The following MYCN variants were observed in gnomAD, a reference collection of about 807,000 sequenced individuals.
The protein encoded by MYCN is N-myc proto-oncogene protein.
In MYCN, 3 loss-of-function variants were observed where a neutral mutation model predicts 28.1. That is an observed-to-expected ratio of 0.11 (90% CI 0.05 to 0.28). The LOEUF (loss-of-function observed/expected upper bound fraction) is 0.28, where lower values mean the gene tolerates loss of function less well. MYCN is among the 10% of genes least tolerant of loss of function. MYCN has a pLI of 1.00. For missense variants in MYCN, 572 were observed against 651.4 expected (o/e 0.88, Z 1.33); for synonymous variants, 326 against 288.3 (o/e 1.13, Z -1.32).
Position 15,941,041 on chromosome 2 carries a change from T to A in MYCN, c.-118+298T>A, listed in dbSNP as rs1425322949. ...CTAGAAGATCTGTCTGTGTTTGAGC[T>A]GTCGGAGAGCCGGTGCGTCCCCACC... is the stretch of plus-strand genomic sequence containing the variant. On this transcript the variant is annotated intron_variant, in intron 1 of 2. Coordinates refer to ENST00000281043, the MANE Select transcript of MYCN (RefSeq NM_005378.6). This position sits in a 1 kb window ranked among gnomAD's most constrained non-coding sequence, Gnocchi z 4.8. 6 of 284,534 alleles carry A rather than the reference T, an allele frequency of 2.1e-5. No individual in the cohort carries two copies. The Admixed American group carries it at 3.2e-4, about 15-fold the overall frequency. 17.6% of individuals were successfully genotyped at this position (284,534 alleles called of 1,614,324 possible). A position where few individuals can be genotyped will look rare whatever the true frequency, so the allele number is the denominator to read the frequency against.
At position 15,945,607 on chromosome 2, in the gene MYCN, G is replaced by A. The variant is rs140581169; in HGVS notation, c.905G>A (p.Arg302His). 94 of 1,613,990 alleles carry A rather than the reference G, an allele frequency of 5.8e-5. No individual in the cohort carries two copies. Among genetic ancestry groups the A allele is most frequent in the Non-Finnish European group, 7.4e-5 (87 of 1,180,034 alleles). Reference sequence around the variant, plus strand: ...GTCACCACATTCACCATCACTGTGCGTCCCAAGAACGCAGCCCTGGGTCCC... The same window carrying A: ...GTCACCACATTCACCATCACTGTGCATCCCAAGAACGCAGCCCTGGGTCCC... The part of the protein sequence containing the change: ...KAVTTFTITV[R>H]PKNAALGPGR... Residue 302 changes from arginine to histidine, a missense_variant, in exon 3 of 3, where the codon CGT becomes CAT. Physicochemically the swap from Arg to His is conservative, Grantham distance 29. Around this residue, in one of 3 missense-constraint regions of MYCN, gnomAD observed 499 missense variants for 524.3 expected, o/e 0.95. Coordinates refer to ENST00000281043, the MANE Select transcript of MYCN (RefSeq NM_005378.6). This position sits in a 1 kb window ranked among gnomAD's most constrained non-coding sequence, Gnocchi z 4.8.
chr2:15,944,774 G>C (rs1393573242), intron 2 of MYCN, among the ~76,000 whole-genome samples: 29 of 152,084 alleles, frequency 1.9e-4, no homozygotes, highest in Admixed American at 1.9e-3. Flanking sequence ...CCATTTAATA[G>C]CTGAGGAAAC....
At position 15,940,672 on chromosome 2, in the gene MYCN, A is replaced by ACCCCCCCCCCCCC; in HGVS notation, c.-184_-183insCCCCCCCCCCCCC. Reference sequence around the variant, plus strand: ...GCACAGACTGTAGCCATCCGAGGACACCCCCGCCCCCCCGGCCCACCCGGA... The same window carrying ACCCCCCCCCCCCC: ...GCACAGACTGTAGCCATCCGAGGACACCCCCCCCCCCCCCCCCCGCCCCCCCGGCCCACCCGGA... On this transcript the variant is annotated 5_prime_UTR_variant, in exon 1 of 3. The change creates a premature stop within an existing upstream ORF in the 5' untranslated region. Transcript: ENST00000281043. The ACCCCCCCCCCCCC allele has an allele frequency of 2.5e-6, 1 of 396,932 alleles. No individual in the cohort carries two copies. The allele number at this position is 396,932 out of a possible 1,614,324, so 24.6% of individuals were successfully genotyped here. A position where few individuals can be genotyped will look rare whatever the true frequency, so the allele number is the denominator to read the frequency against.
chr2:15,942,086 A>C lies in MYCN; in HGVS notation c.22A>C (p.Thr8Pro). Residue 8 changes from threonine (T) to proline (P), a missense_variant, in exon 2 of 3, where the codon ACC becomes CCC. Thr to Pro is a conservative substitution (Grantham distance 38). Transcript: ENST00000281043. The surrounding 1 kb of genome is among the most constrained non-coding windows in gnomAD (Gnocchi z 7.0). ...GCCGATGCCGAGCTGCTCCACGTCCACCATGCCGGGCATGATCTGCAAGAA... is the reference window on the plus strand; with the variant it reads ...GCCGATGCCGAGCTGCTCCACGTCCCCCATGCCGGGCATGATCTGCAAGAA... MPSCSTSTMPGMICKNPD... is the reference protein window; with the variant it reads MPSCSTSPMPGMICKNPD... The C allele has an allele frequency of 6.2e-7, 1 of 1,613,720 alleles. No individual in the cohort carries two copies. Among genetic ancestry groups the C allele is most frequent in the African/African-American group, 1.3e-5 (1 of 75,024 alleles).
chr2:15,946,337 A>C lies in MYCN; in HGVS notation c.*240A>C. ...CACCTCACCTCCATGACAGCGCTAAACGTTGGTGACGGTTGGGAGCCTCTG... is the reference window on the plus strand; with the variant it reads ...CACCTCACCTCCATGACAGCGCTAACCGTTGGTGACGGTTGGGAGCCTCTG... On this transcript the variant is annotated 3_prime_UTR_variant, in exon 3 of 3. Transcript: ENST00000281043. 6 of 565,642 alleles carry C rather than the reference A, an allele frequency of 1.1e-5. No homozygotes were observed. Among genetic ancestry groups the C allele is most frequent in the Non-Finnish European group, 1.3e-5 (4 of 317,580 alleles). 35.0% of individuals were successfully genotyped at this position (565,642 alleles called of 1,614,324 possible).
chr2:15,945,910 C>T lies in MYCN; in HGVS notation c.1208C>T (p.Thr403Met), dbSNP rs777508469. 75 of 1,614,012 alleles carry T rather than the reference C, an allele frequency of 4.6e-5. No individual in the cohort carries two copies. Among genetic ancestry groups the T allele is most frequent in the Non-Finnish European group, 5.5e-5 (65 of 1,180,042 alleles). ...RRNDLRSSFL[T>M]LRDHVPELVK... ...AACGACCTTCGGTCCAGCTTTCTCA[C>T]GCTCAGGGACCACGTGCCGGAGTTG... Residue 403 changes from threonine (T) to methionine (M), a missense_variant, in exon 3 of 3, where the codon ACG becomes ATG. Thr to Met is a moderately conservative substitution (Grantham distance 81). This residue lies in a region of MYCN where 61 missense variants were observed against 81.6 expected (regional missense o/e 0.75). Transcript: ENST00000281043. The surrounding 1 kb of genome is among the most constrained non-coding windows in gnomAD (Gnocchi z 4.8).
At position 15,945,045 on chromosome 2, in the gene MYCN, G is replaced by T. The variant is rs1272111442; in HGVS notation, c.791-448G>T. Among the ~76,000 whole-genome samples, 2 of 152,000 alleles carry T rather than the reference G, an allele frequency of 1.3e-5. No homozygotes were observed. The highest frequency in any genetic ancestry group is 2.9e-5 in the Non-Finnish European group (2 of 68,014). Reference sequence around the variant, plus strand: ...AAGGAGTTTTGCTCTTGTTGCCCAGGCTGGAGTGCAGTGGTATGATCTGGG... The same window carrying T: ...AAGGAGTTTTGCTCTTGTTGCCCAGTCTGGAGTGCAGTGGTATGATCTGGG... On this transcript the variant is annotated intron_variant, in intron 2 of 2. Transcript: ENST00000281043. The surrounding 1 kb of genome is among the most constrained non-coding windows in gnomAD (Gnocchi z 4.8).
rs1441494758 is a variant in MYCN at position 15,942,456 on chromosome 2, G to A, written c.392G>A (p.Ser131Asn). Residue 131 changes from serine to asparagine, a missense_variant, in exon 2 of 3, where the codon AGC becomes AAC. Coordinates refer to ENST00000281043, the MANE Select transcript of MYCN (RefSeq NM_005378.6). The surrounding 1 kb of genome is among the most constrained non-coding windows in gnomAD (Gnocchi z 7.0). ...CGCGAGAAGCTGGAGCGCGCCGTGA[G>A]CGAGAAGCTGCAGCACGGCCGCGGG... ...SAREKLERAVSEKLQHGRGPP... is the reference protein window; with the variant it reads ...SAREKLERAVNEKLQHGRGPP... The A allele has an allele frequency of 6.3e-7, 1 of 1,592,192 alleles. No individual in the cohort carries two copies. The highest frequency in any genetic ancestry group is 2.2e-5 in the East Asian group (1 of 44,522).
At position 15,942,581 on chromosome 2, in the gene MYCN, GCCGCCCTGC is replaced by G. The variant is rs1662726478; in HGVS notation, c.523_531del (p.Leu175_Ala177del). Reference sequence around the variant, plus strand: ...GGCTGCGGGAGCCGGCCGCGCCGGGGCCGCCCTGCCCGCCGAGCTCGCCCACCCGGCCGC... The same window carrying G: ...GGCTGCGGGAGCCGGCCGCGCCGGGGCCGCCGAGCTCGCCCACCCGGCCGC... On this transcript the variant is annotated inframe_deletion, in exon 2 of 3. Coordinates refer to ENST00000281043, the MANE Select transcript of MYCN (RefSeq NM_005378.6). The surrounding 1 kb of genome is among the most constrained non-coding windows in gnomAD (Gnocchi z 7.0). 1.9e-6 allele frequency: 2 copies of G among 1,070,474 alleles called. No individual in the cohort carries two copies. The highest frequency in any genetic ancestry group is 2.3e-6 in the Non-Finnish European group (2 of 887,266). The allele number at this position is 1,070,474 out of a possible 1,614,324, so 66.3% of individuals were successfully genotyped here. A position where few individuals can be genotyped will look rare whatever the true frequency, so the allele number is the denominator to read the frequency against.
In MYCN at chr2:15,942,005, C is replaced by A; in HGVS notation, c.-60C>A. The A allele has an allele frequency of 6.2e-7, 1 of 1,606,362 alleles. No homozygotes were observed. The highest frequency in any genetic ancestry group is 8.5e-7 in the Non-Finnish European group (1 of 1,176,934). ...CGCCCCCCACGGGAAGGAAGCACCC[C>A]CGGTATTAAAACGAACGGGGCGGAA... On this transcript the variant is annotated 5_prime_UTR_variant, in exon 2 of 3. Coordinates refer to ENST00000281043, the MANE Select transcript of MYCN (RefSeq NM_005378.6). This position sits in a 1 kb window ranked among gnomAD's most constrained non-coding sequence, Gnocchi z 7.0.
Position 15,940,726 on chromosome 2 carries a change from C to T in MYCN, c.-135C>T. 2.5e-6 allele frequency: 1 copy of T among 399,170 alleles called. No individual in the cohort carries two copies. Among genetic ancestry groups the T allele is most frequent in the Non-Finnish European group, 4.4e-6 (1 of 226,068 alleles). 24.7% of individuals were successfully genotyped at this position (399,170 alleles called of 1,614,324 possible). On this transcript the variant is annotated 5_prime_UTR_variant, in exon 1 of 3. Coordinates refer to ENST00000281043, the MANE Select transcript of MYCN (RefSeq NM_005378.6). ...ACCCGCGCAGAATCGCCTCCGGATC[C>T]CCTGCAGTCGGCGGGAGGTAAGGAG...
In MYCN at chr2:15,941,114, G is replaced by C. The variant is rs1055143751; in HGVS notation, c.-118+371G>C. ...AGGGTGCCCCTGGAGGAAGAAGAGG[G>C]GGGGATTAGGCAGGGCGAGGCCGCC... On this transcript the variant is annotated intron_variant, in intron 1 of 2. Coordinates refer to ENST00000281043, the MANE Select transcript of MYCN (RefSeq NM_005378.6). The surrounding 1 kb of genome is among the most constrained non-coding windows in gnomAD (Gnocchi z 4.8). 1.7e-5 allele frequency: 3 copies of C among 175,440 alleles called. No individual in the cohort carries two copies. Among genetic ancestry groups the C allele is most frequent in the Non-Finnish European group, 3.6e-5 (3 of 83,870 alleles). The allele number at this position is 175,440 out of a possible 1,614,324, so 10.9% of individuals were successfully genotyped here.
chr2:15,942,017 C>G lies in MYCN; in HGVS notation c.-48C>G, dbSNP rs1662692512. 6.2e-7 allele frequency: 1 copy of G among 1,611,114 alleles called. No individual in the cohort carries two copies. Among genetic ancestry groups the G allele is most frequent in the East Asian group, 2.2e-5 (1 of 44,796 alleles). On this transcript the variant is annotated 5_prime_UTR_variant, in exon 2 of 3. Transcript: ENST00000281043. The surrounding 1 kb of genome is among the most constrained non-coding windows in gnomAD (Gnocchi z 7.0). ...GAAGGAAGCACCCCCGGTATTAAAA[C>G]GAACGGGGCGGAAAGAAGCCCTCAG...
chr2:15,942,916 T>C lies in MYCN; in HGVS notation c.790+62T>C. On this transcript the variant is annotated intron_variant, in intron 2 of 2. Transcript: ENST00000281043. This position sits in a 1 kb window ranked among gnomAD's most constrained non-coding sequence, Gnocchi z 7.0. The stretch of plus-strand genomic sequence containing the variant: ...GCACTGGACCCCGGGTCGCGTCCCC[T>C]TTGTTAGTGCTCGTATGTCTTGGCC... The C allele has an allele frequency of 6.6e-7, 1 of 1,521,304 alleles. No homozygotes were observed. The highest frequency in any genetic ancestry group is 2.5e-5 in the East Asian group (1 of 40,100). 94.2% of individuals were successfully genotyped at this position (1,521,304 alleles called of 1,614,324 possible).
Position 15,942,898 on chromosome 2 carries a change from AC to A in MYCN, c.790+48del. 1 of 1,547,338 alleles carries A rather than the reference AC, an allele frequency of 6.5e-7. No individual in the cohort carries two copies. The highest frequency in any genetic ancestry group is 8.7e-7 in the Non-Finnish European group (1 of 1,150,426). ...TCCGGCTGCCTCCCTGGGGCACTGG[AC>A]CCCGGGTCGCGTCCCCTTTGTTAGT... On this transcript the variant is annotated intron_variant, in intron 2 of 2. Coordinates refer to ENST00000281043, the MANE Select transcript of MYCN (RefSeq NM_005378.6). This position sits in a 1 kb window ranked among gnomAD's most constrained non-coding sequence, Gnocchi z 7.0.
Position 15,942,350 on chromosome 2 carries a change from G to T in MYCN, c.286G>T (p.Ala96Ser). The change falls in exon 2 of 3, where the codon GCG (alanine) becomes TCG (serine). Residue 96 changes from alanine to serine, a missense_variant. Physicochemically the swap from Ala to Ser is moderately conservative, Grantham distance 99. Around this residue, in one of 3 missense-constraint regions of MYCN, gnomAD observed 499 missense variants for 524.3 expected, o/e 0.95. Transcript: ENST00000281043. This position sits in a 1 kb window ranked among gnomAD's most constrained non-coding sequence, Gnocchi z 7.0. The stretch of plus-strand genomic sequence containing the variant: ...GTGGGGCAGCCCGGCCGAGGAGGAC[G>T]CGTTCGGCCTGGGGGGACTGGGTGG... Reference protein sequence around the residue: ...ELWGSPAEEDAFGLGGLGGLT... With the variant: ...ELWGSPAEEDSFGLGGLGGLT... The T allele has an allele frequency of 6.2e-7, 1 of 1,607,350 alleles. No individual in the cohort carries two copies. Among genetic ancestry groups the T allele is most frequent in the Non-Finnish European group, 8.5e-7 (1 of 1,177,882 alleles).
At chr2:15,943,436 C>T (rs1662773284) in intron 2 of MYCN, among the ~76,000 whole-genome samples, 1 of 131,402 alleles carries the variant, frequency 7.6e-6, no homozygotes, top group Non-Finnish European at 1.6e-5. Flanking sequence ...CGGTACCTTT[C>T]CCTTCCCCCA....
rs1412212172 is a variant in MYCN, at chr2:15,941,497, AT to A, written c.-117-446del. The stretch of plus-strand genomic sequence containing the variant: ...CTATCATTTGCACTCCTGAGGTTGC[AT>A]TTTTACAAAGGGGGTAGAAGGTACT... On this transcript the variant is annotated intron_variant, in intron 1 of 2. Transcript: ENST00000281043. The surrounding 1 kb of genome is among the most constrained non-coding windows in gnomAD (Gnocchi z 4.8). 3 of 162,232 alleles carry A rather than the reference AT, an allele frequency of 1.8e-5. No individual in the cohort carries two copies. In the East Asian group the frequency reaches 4.6e-4, roughly 25 times the overall value. 10.0% of individuals were successfully genotyped at this position (162,232 alleles called of 1,614,324 possible). A position where few individuals can be genotyped will look rare whatever the true frequency, so the allele number is the denominator to read the frequency against.
Position 15,945,506 on chromosome 2 carries a change from T to TGAAGAG in MYCN, c.810_815dup (p.Glu270_Glu271dup), listed in dbSNP as rs771601541. On this transcript the variant is annotated inframe_insertion, in exon 3 of 3. Coordinates refer to ENST00000281043, the MANE Select transcript of MYCN (RefSeq NM_005378.6). The surrounding 1 kb of genome is among the most constrained non-coding windows in gnomAD (Gnocchi z 4.8). ...TCTTTCTCTCAGATGATGAAGATGATGAAGAGGAAGATGAAGAGGAAGAAA... is the reference window on the plus strand; with the variant it reads ...TCTTTCTCTCAGATGATGAAGATGATGAAGAGGAAGAGGAAGATGAAGAGGAAGAAA... 1.9e-6 allele frequency: 3 copies of TGAAGAG among 1,609,778 alleles called. No homozygotes were observed. The East Asian group carries it at 6.7e-5, about 36-fold the overall frequency.
Sources: gnomAD v4.1 joint callset for allele counts (sites outside exome capture counted in the v4.1 genomes callset) on GRCh38, gnomAD v4.1.1 for gene constraint, gnomAD v4.1.1 regional missense constraint, Gnocchi (gnomAD v3.1) non-coding constraint, MANE v1.5 for transcripts, NCBI Gene and HGNC (gene_info 2026-07-23, HGNC 2026-07-21) for gene names.